Variants in AK9 observed in about 807,000 individuals in gnomAD.
AK9 encodes the protein adenylate kinase 9.
In AK9, 191 loss-of-function variants were observed where a neutral mutation model predicts 239.6. That is an observed-to-expected ratio of 0.80 (90% CI 0.71 to 0.90). The LOEUF (loss-of-function observed/expected upper bound fraction) is 0.90. AK9 is among the 40% of genes least tolerant of loss of function. The pLI, the probability that AK9 is intolerant of heterozygous loss-of-function variation, is 0.00. For synonymous variants in AK9, 689 were observed against 721.0 expected, an observed-to-expected ratio of 0.96 and a Z score of 0.71; for missense variants, 1,995 against 2,214.7, an observed-to-expected ratio of 0.90 and a Z score of 1.99.
At chr6:109,505,120 G>A (rs1777982154) in intron 35 of AK9, among the ~76,000 whole-genome samples, 1 of 152,198 alleles carries the variant, frequency 6.6e-6, no homozygotes, top group Non-Finnish European at 1.5e-5. Context: ...GGTGAAAACA[G>A]ATTCCCAATT....
chr6:109,554,939 T>C (rs1382707475), intron 24 of AK9, among the ~76,000 whole-genome samples: 1 of 152,202 alleles, frequency 6.6e-6, no homozygotes, highest in African/African-American at 2.4e-5. Context: ...TCTATCTGTT[T>C]TGTTAATTTT....
Position 109,516,027 on chromosome 6 carries a change from G to C in AK9, c.3895C>G (p.Arg1299Gly). ...LIPIISINGA[R>G]RNHIVQYTLN... Reference sequence around the variant, plus strand: ...GTATATTGTACAATGTGATTTCTCCGAGCTCCATTAATGGAAATTATTGGT... The same window carrying C: ...GTATATTGTACAATGTGATTTCTCCCAGCTCCATTAATGGAAATTATTGGT... Residue 1299 changes from arginine to glycine, a missense_variant, in exon 31 of 41, where the codon CGG (arginine) becomes GGG (glycine). Around this residue, in one of 5 missense-constraint regions of AK9, gnomAD observed 1,290 missense variants for 1,392.7 expected, o/e 0.93. Transcript: ENST00000424296. The C allele has an allele frequency of 1.3e-6, 2 of 1,551,170 alleles. No individual in the cohort carries two copies. The highest frequency in any genetic ancestry group is 1.7e-6 in the Non-Finnish European group (2 of 1,146,648).
intron 26 of AK9, among the ~76,000 whole-genome samples, chr6:109,543,014 G>A (rs901345437): frequency 2.0e-5 from 3 of 151,978 alleles, no homozygotes; most frequent in African/African-American, 7.3e-5. Flanking sequence ...TAATTTTACA[G>A]TATTATCTCT....
chr6:109,497,839 G>T lies in AK9; in HGVS notation c.5173C>A (p.Leu1725Ile). 6.2e-7 allele frequency: 1 copy of T among 1,613,936 alleles called. No homozygotes were observed. Among genetic ancestry groups the T allele is most frequent in the South Asian group, 1.1e-5 (1 of 91,074 alleles). The change falls in exon 37 of 41, where the codon CTC becomes ATC. Residue 1725 changes from leucine to isoleucine, a missense_variant. Physicochemically the swap from Leu to Ile is conservative, Grantham distance 5 (BLOSUM62 2). Coordinates refer to ENST00000424296, the MANE Select transcript of AK9 (RefSeq NM_001145128.3). ...LKSRFPKCAE[L>I]QGYCPVTYKD... ...TAGGTCACTGGACAGTAGCCCTGGAGCTCCGCACACTTAGGGAATCGACTC... is the reference window on the plus strand; with the variant it reads ...TAGGTCACTGGACAGTAGCCCTGGATCTCCGCACACTTAGGGAATCGACTC...
chr6:109,535,645 A>G (rs1250445998), intron 27 of AK9, among the ~76,000 whole-genome samples: 2 of 152,106 alleles, frequency 1.3e-5, no homozygotes, highest in Non-Finnish European at 2.9e-5. Flanking sequence ...TTTTGTTGCC[A>G]TTGCTTTTGG....
intron 2 of AK9, among the ~76,000 whole-genome samples, chr6:109,675,268 C>T (rs535707933): frequency 3.0e-4 from 46 of 152,288 alleles, no homozygotes; most frequent in African/African-American, 1.1e-3. Context: ...TTAATTTCAT[C>T]ATAATATAAA....
intron 2 of AK9, among the ~76,000 whole-genome samples, chr6:109,674,787 AT>A (rs1242255410): frequency 6.6e-6 from 1 of 152,204 alleles, no homozygotes; most frequent in Non-Finnish European, 1.5e-5. Context: ...TTTAAAACCC[AT>A]TATGTTTTTA....
Position 109,506,780 on chromosome 6 carries a change from G to A in AK9, c.4502C>T (p.Pro1501Leu). The change falls in exon 34 of 41, where the codon CCT (proline) becomes CTT (leucine). Residue 1501 changes from proline to leucine, a missense_variant. Physicochemically the swap from Pro to Leu is moderately conservative, Grantham distance 98 (BLOSUM62 -3). Around this residue, in one of 5 missense-constraint regions of AK9, gnomAD observed 45 missense variants for 80.5 expected, o/e 0.56. Coordinates refer to ENST00000424296, the MANE Select transcript of AK9 (RefSeq NM_001145128.3). Reference protein sequence around the residue: ...NTAGVVIDGYPVTKHQMNLLE... With the variant: ...NTAGVVIDGYLVTKHQMNLLE... ...GAGATTCATTTGATGTTTAGTTACA[G>A]GATATCCATCGATGACAACACTAAC... 1 of 1,504,448 alleles carries A rather than the reference G, an allele frequency of 6.6e-7. No homozygotes were observed. The highest frequency in any genetic ancestry group is 1.3e-5 in the South Asian group (1 of 77,784). 93.2% of individuals were successfully genotyped at this position (1,504,448 alleles called of 1,614,324 possible).
At chr6:109,667,760 G>C (rs1384017734) in intron 5 of AK9, among the ~76,000 whole-genome samples, 1 of 152,124 alleles carries the variant, frequency 6.6e-6, no homozygotes, top group Non-Finnish European at 1.5e-5. Context: ...GCATAGTATT[G>C]CATGATGTAT....
chr6:109,661,792 C>T (rs946507985), intron 6 of AK9, among the ~76,000 whole-genome samples: 27 of 152,286 alleles, frequency 1.8e-4, no homozygotes, highest in African/African-American at 6.3e-4. Context: ...GATACAAAAG[C>T]TTATCATTCA....
In AK9 at chr6:109,590,475, C is replaced by A. The variant is rs147748209; in HGVS notation, c.1843-4403G>T. On this transcript the variant is annotated intron_variant, in intron 17 of 40. Transcript: ENST00000424296. The stretch of plus-strand genomic sequence containing the variant: ...TTCTCTTTTTCACTTGATTATCTAG[C>A]TATCAATTTTGCTTATTTTTTCAAA... Among the ~76,000 whole-genome samples the A allele has an allele frequency of 3.3e-4, 50 of 152,166 alleles. No individual in the cohort carries two copies. The East Asian group carries it at 8.7e-3, about 26-fold the overall frequency.
At chr6:109,632,896 T>TAGATAGAC (rs777576075) in intron 12 of AK9, 27 bp downstream of exon 12, 1 of 1,603,000 alleles carries the variant, frequency 6.2e-7, no homozygotes, top group Non-Finnish European at 8.5e-7. Flanking sequence ...GATAGATAGA[T>TAGATAGAC]AGATAGACAG....
rs1362915946 is a variant in AK9, at chr6:109,671,963, T to C, written c.287A>G (p.Lys96Arg). 1 of 1,614,050 alleles carries C rather than the reference T, an allele frequency of 6.2e-7. No homozygotes were observed. Among genetic ancestry groups the C allele is most frequent in the Non-Finnish European group, 8.5e-7 (1 of 1,179,962 alleles). The change falls in exon 5 of 41, where the codon AAG (lysine) becomes AGG (arginine). Residue 96 changes from lysine to arginine, a missense_variant. Lys to Arg is a conservative substitution (Grantham distance 26, BLOSUM62 2). This residue lies in a region of AK9 where 252 missense variants were observed against 246.4 expected (regional missense o/e 1.02). Coordinates refer to ENST00000424296, the MANE Select transcript of AK9 (RefSeq NM_001145128.3). ...GQSIPDELVI[K>R]LMLEKLNSPE... The stretch of plus-strand genomic sequence containing the variant: ...GGAGTTGAGCTTCTCCAACATTAGC[T>C]TTATGACAAGTTCATCTGGAATGCT...
chr6:109,571,711 T>C (rs1388022010), intron 21 of AK9, among the ~76,000 whole-genome samples: 2 of 152,198 alleles, frequency 1.3e-5, no homozygotes, highest in East Asian at 3.8e-4. Flanking sequence ...CTGTCTTTAA[T>C]AGACATTTTT....
intron 12 of AK9, among the ~76,000 whole-genome samples, chr6:109,625,607 T>A (rs1795427437): frequency 6.6e-6 from 1 of 152,178 alleles, no homozygotes; most frequent in African/African-American, 2.4e-5. Flanking sequence ...ATCTGGTTTG[T>A]GTGCTCCTTA....
At chr6:109,550,789 G>A (rs1006091381) in intron 24 of AK9, among the ~76,000 whole-genome samples, 2 of 152,090 alleles carry the variant, frequency 1.3e-5, no homozygotes, top group African/African-American at 4.8e-5. Flanking sequence ...AGTGTAAAAT[G>A]TATTTTCATT....
In AK9 at chr6:109,641,635, T is replaced by C. The variant is rs771049227; in HGVS notation, c.835-19A>G. On this transcript the variant is annotated intron_variant, in intron 9 of 40. Transcript: ENST00000424296. ...TAACAATCTAGATTTAAAGAACAGA[T>C]ATTTAACTACATTGGCATCTGAATA... 1.3e-6 allele frequency: 2 copies of C among 1,583,508 alleles called. No individual in the cohort carries two copies. Among genetic ancestry groups the C allele is most frequent in the South Asian group, 1.1e-5 (1 of 90,218 alleles).
At chr6:109,614,784 T>C (rs762923231) in intron 13 of AK9, among the ~76,000 whole-genome samples, 3 of 152,202 alleles carry the variant, frequency 2.0e-5, no homozygotes, top group Non-Finnish European at 2.9e-5. Flanking sequence ...ATCCTCTGTA[T>C]AATCATGTAA....
At chr6:109,599,558 G>A (rs1791605444) in intron 17 of AK9, among the ~76,000 whole-genome samples, 1 of 149,990 alleles carries the variant, frequency 6.7e-6, no homozygotes, top group Non-Finnish European at 1.5e-5. Flanking sequence ...GGCAATGCAG[G>A]CTCTTTTTTG....
Sources: gnomAD v4.1 joint callset for allele counts (sites outside exome capture counted in the v4.1 genomes callset) on GRCh38, gnomAD v4.1.1 for gene constraint, gnomAD v4.1.1 regional missense constraint, MANE v1.5 for transcripts, NCBI Gene and HGNC (gene_info 2026-07-23, HGNC 2026-07-21) for gene names.